Variants in SH3PXD2A observed in about 807,000 individuals in gnomAD.
SH3PXD2A encodes SH3 and PX domains 2A.
Under a neutral mutation model 115.2 loss-of-function variants are expected in SH3PXD2A, and 32 were observed. The observed-to-expected ratio is 0.28, with a 90% CI of 0.21 to 0.37. The LOEUF is 0.37. Ranked by LOEUF, SH3PXD2A falls within the 10% of genes least tolerant of loss-of-function variation. SH3PXD2A has a pLI of 1.00. For synonymous variants in SH3PXD2A, 610 were observed against 629.1 expected (o/e 0.97, Z 0.45); for missense variants, 1,328 against 1,498.7 (o/e 0.89, Z 1.88).
intron 8 of SH3PXD2A, among the ~76,000 whole-genome samples, chr10:103,659,622 G>A (rs879455288): frequency 9.2e-5 from 14 of 152,314 alleles, no homozygotes; most frequent in Admixed American, 9.1e-4. Flanking sequence ...TGGGACGAAA[G>A]GTTGAGGCCT....
At position 103,598,734 on chromosome 10, in the gene SH3PXD2A, G is replaced by C. The variant is rs2036172665; in HGVS notation, c.*3082C>G. ...TCCTTCAGCATCACAAAGCAGCTCA[G>C]TAGCTCAAGGGAAAGGCCCTCTCGC... On this transcript the variant is annotated 3_prime_UTR_variant, in exon 15 of 15. Coordinates refer to ENST00000369774, the MANE Select transcript of SH3PXD2A (RefSeq NM_001394015.1). 6.5e-6 allele frequency: 1 copy of C among 152,682 alleles called. No individual in the cohort carries two copies. Among genetic ancestry groups the C allele is most frequent in the South Asian group, 2.1e-4 (1 of 4,828 alleles). The allele number at this position is 152,682 out of a possible 1,614,324, so 9.5% of individuals were successfully genotyped here.
At chr10:103,685,865 C>G (rs950410974) in intron 6 of SH3PXD2A, among the ~76,000 whole-genome samples, 7 of 152,208 alleles carry the variant, frequency 4.6e-5, no homozygotes, top group Non-Finnish European at 1.0e-4. Flanking sequence ...TACGCCCTGT[C>G]GTCCCCTCCT....
chr10:103,674,196 C>A (rs1390765485), intron 6 of SH3PXD2A, among the ~76,000 whole-genome samples: 1 of 152,216 alleles, frequency 6.6e-6, no homozygotes, highest in Non-Finnish European at 1.5e-5. Flanking sequence ...AATTCGGCCA[C>A]CACTTTCAGG....
rs377638889 is a variant in SH3PXD2A at position 103,633,014 on chromosome 10, A to G, written c.605-5812T>C. ...AACCTCCCCCCGGCCAAAAAAAACC[A>G]AAAAACAAAAACAGAGTCTGACACA... On this transcript the variant is annotated intron_variant, in intron 8 of 14. Transcript: ENST00000369774. Among the ~76,000 whole-genome samples the G allele has an allele frequency of 1.3e-3, 192 of 152,048 alleles. 2 individuals are homozygous for G. The highest frequency in any genetic ancestry group is 1.8e-3 in the Non-Finnish European group (124 of 67,966).
chr10:103,610,766 C>T (rs762781180), intron 13 of SH3PXD2A, among the ~76,000 whole-genome samples: 2 of 152,210 alleles, frequency 1.3e-5, no homozygotes, highest in Non-Finnish European at 2.9e-5. Flanking sequence ...TTCATCCTTA[C>T]AACAGCCCTA....
chr10:103,614,468 C>T (rs1261252763), intron 11 of SH3PXD2A, among the ~76,000 whole-genome samples: 1 of 151,988 alleles, frequency 6.6e-6, no homozygotes, highest in African/African-American at 2.4e-5. Flanking sequence ...CAAAGCAAAA[C>T]AAAAACAAAA....
At chr10:103,644,492 G>A (rs1194396444) in intron 8 of SH3PXD2A, among the ~76,000 whole-genome samples, 2 of 151,684 alleles carry the variant, frequency 1.3e-5, no homozygotes, top group African/African-American at 2.4e-5. Context: ...GGGCTGAGGT[G>A]GGAGGATCAC....
intron 8 of SH3PXD2A, among the ~76,000 whole-genome samples, chr10:103,641,853 A>G (rs1050318382): frequency 6.6e-6 from 1 of 152,198 alleles, no homozygotes; most frequent in African/African-American, 2.4e-5. Context: ...ATCTCACCCA[A>G]GGGCTTTGCC....
intron 5 of SH3PXD2A, chr10:103,693,361 G>A (rs1179405612): frequency 6.6e-6 from 1 of 151,636 alleles, no homozygotes. Flanking sequence ...GGGGAAGGGC[G>A]AGGCAGGTTC....
chr10:103,704,539 G>A (rs1009926003), intron 5 of SH3PXD2A, among the ~76,000 whole-genome samples: 2 of 152,228 alleles, frequency 1.3e-5, no homozygotes, highest in African/African-American at 2.4e-5. Flanking sequence ...GGTCTCCCCA[G>A]AGGCGACAGG....
At chr10:103,822,150 C>G (rs192714252) in intron 1 of SH3PXD2A, among the ~76,000 whole-genome samples, 19 of 152,342 alleles carry the variant, frequency 1.2e-4, no homozygotes, top group Middle Eastern at 3.4e-3. Flanking sequence ...CTCGGCCTCC[C>G]GAAGTGCCGA....
chr10:103,783,904 G>A (rs2134243836), intron 2 of SH3PXD2A, among the ~76,000 whole-genome samples: 1 of 152,360 alleles, frequency 6.6e-6, no homozygotes, highest in South Asian at 2.1e-4. Flanking sequence ...GGCAGCCTGT[G>A]CTTCCCAGGC....
At chr10:103,819,630 G>A (rs903198265) in intron 1 of SH3PXD2A, among the ~76,000 whole-genome samples, 4 of 152,124 alleles carry the variant, frequency 2.6e-5, no homozygotes, top group African/African-American at 4.8e-5. Context: ...GTGTTTCTTC[G>A]GTGGAGAACT....
intron 3 of SH3PXD2A, among the ~76,000 whole-genome samples, chr10:103,744,740 G>A (rs1467846335): frequency 6.6e-6 from 1 of 152,210 alleles, no homozygotes; most frequent in African/African-American, 2.4e-5. Flanking sequence ...GGCACATGCA[G>A]GTTCCGGAAA....
intron 5 of SH3PXD2A, among the ~76,000 whole-genome samples, chr10:103,716,229 C>G (rs548761865): frequency 6.6e-6 from 1 of 152,298 alleles, no homozygotes; most frequent in Non-Finnish European, 1.5e-5. Flanking sequence ...GCAGGCCTCC[C>G]GCAGGATGGC....
intron 14 of SH3PXD2A, among the ~76,000 whole-genome samples, chr10:103,604,687 C>T (rs1436472764): frequency 6.6e-6 from 1 of 152,198 alleles, no homozygotes; most frequent in African/African-American, 2.4e-5. Flanking sequence ...GAGACCAGTC[C>T]TCTGCATCCC....
chr10:103,634,034 G>A (rs2036828140), intron 8 of SH3PXD2A, among the ~76,000 whole-genome samples: 1 of 152,202 alleles, frequency 6.6e-6, no homozygotes, highest in South Asian at 2.1e-4. Flanking sequence ...AGCAAGTTTT[G>A]CCCAGCTCTC....
intron 8 of SH3PXD2A, among the ~76,000 whole-genome samples, chr10:103,647,959 G>C (rs560241725): frequency 7.0e-4 from 106 of 152,220 alleles, no homozygotes; most frequent in African/African-American, 2.3e-3. Context: ...CCGGAGGGAT[G>C]AGAATCTCCT....
intron 2 of SH3PXD2A, among the ~76,000 whole-genome samples, chr10:103,798,796 C>T (rs1278223332): frequency 3.9e-5 from 6 of 152,238 alleles, no homozygotes; most frequent in Admixed American, 2.0e-4. Context: ...CTGAGGCCTA[C>T]CTGGCTCTGA....
Sources: gnomAD v4.1 joint callset for allele counts (sites outside exome capture counted in the v4.1 genomes callset) on GRCh38, gnomAD v4.1.1 for gene constraint, MANE v1.5 for transcripts, NCBI Gene and HGNC (gene_info 2026-07-23, HGNC 2026-07-21) for gene names.